MYO18B: variants seen among roughly 807,000 people sequenced by gnomAD.
The protein encoded by MYO18B is unconventional myosin-XVIIIb.
A neutral mutation model predicts 273.0 loss-of-function variants in MYO18B; 204 were observed. That is an observed-to-expected ratio of 0.75 (90% CI 0.67 to 0.84). The LOEUF is 0.84. MYO18B is among the 40% of genes least tolerant of loss of function. MYO18B has a pLI of 0.00. For missense variants in MYO18B, 3,212 were observed against 3,287.6 expected, an observed-to-expected ratio of 0.98 and a Z score of 0.56; for synonymous variants, 1,330 against 1,305.7, an observed-to-expected ratio of 1.02 and a Z score of -0.40.
chr22:26,024,836 A>G (rs1177351875), intron 42 of MYO18B, among the ~76,000 whole-genome samples: 1 of 152,176 alleles, frequency 6.6e-6, no homozygotes, highest in Admixed American at 6.5e-5. Context: ...GGCTGCTATA[A>G]CAAGAACACC....
intron 36 of MYO18B, among the ~76,000 whole-genome samples, chr22:25,948,459 C>CTTCCTTCTTTCTTTCTTTCT (rs1442898869): frequency 7.4e-5 from 5 of 67,724 alleles, no homozygotes; most frequent in African/African-American, 2.7e-4. Flanking sequence ...TCCTTCCTTC[C>CTTCCTTCTTTCTTTCTTTCT]TTCTTTCTTT....
At chr22:25,917,542 A>AGG (rs926458961) in intron 33 of MYO18B, among the ~76,000 whole-genome samples, 30 of 92,290 alleles carry the variant, frequency 3.3e-4, no homozygotes, top group South Asian at 8.9e-4. Flanking sequence ...AAAGCTTTGT[A>AGG]GGGGTGTGTG....
At chr22:25,978,314 A>G (rs1460226389) in intron 39 of MYO18B, among the ~76,000 whole-genome samples, 1 of 152,160 alleles carries the variant, frequency 6.6e-6, no homozygotes, top group Non-Finnish European at 1.5e-5. Context: ...TTCACTTGTC[A>G]GAGAAGGGAT....
chr22:25,768,117 CCCAGAAATTT>C lies in MYO18B; in HGVS notation c.205_214del (p.Glu69SerfsTer49). The C allele has an allele frequency of 6.3e-7, 1 of 1,591,260 alleles. No homozygotes were observed. Among genetic ancestry groups the C allele is most frequent in the Non-Finnish European group, 8.6e-7 (1 of 1,167,888 alleles). ...CATGGTTGTGTTCTTTCTCCCAGATCCCAGAAATTTCCATCAGCCAACCCAACAGCAAGTC... is the reference window on the plus strand; with the variant it reads ...CATGGTTGTGTTCTTTCTCCCAGATCCCATCAGCCAACCCAACAGCAAGTC... On this transcript the variant is annotated frameshift_variant, in exon 4 of 44. Transcript: ENST00000335473. LOFTEE classifies it high-confidence loss of function.
chr22:25,802,225 C>A (rs1401765471), intron 12 of MYO18B, among the ~76,000 whole-genome samples: 1 of 152,148 alleles, frequency 6.6e-6, no homozygotes, highest in Admixed American at 6.5e-5. Context: ...ACAACCACTG[C>A]TCTATTATAA....
intron 39 of MYO18B, among the ~76,000 whole-genome samples, chr22:25,961,436 G>A (rs1407572448): frequency 6.6e-6 from 1 of 152,098 alleles, no homozygotes; most frequent in Admixed American, 6.5e-5. Flanking sequence ...TAGTTTGAAT[G>A]TTTGTCCCTC....
intron 34 of MYO18B, among the ~76,000 whole-genome samples, chr22:25,935,602 A>T (rs1466473311): frequency 1.3e-5 from 2 of 152,058 alleles, no homozygotes; most frequent in Non-Finnish European, 2.9e-5. Flanking sequence ...AAGAGAAAAA[A>T]AAAAACCCTG....
intron 33 of MYO18B, among the ~76,000 whole-genome samples, chr22:25,912,422 G>C (rs912621048): frequency 2.0e-5 from 3 of 152,184 alleles, no homozygotes; most frequent in African/African-American, 7.2e-5. Flanking sequence ...AAACAGAATA[G>C]ATAATCTAGT....
intron 39 of MYO18B, among the ~76,000 whole-genome samples, chr22:25,955,713 G>A (rs2092843468): frequency 6.6e-6 from 1 of 152,114 alleles, no homozygotes. Flanking sequence ...ATTTATTAAC[G>A]GCCTATCTTT....
the MYO18B span, among the ~76,000 whole-genome samples, chr22:26,041,367 A>AC: frequency 6.7e-6 from 1 of 150,204 alleles, no homozygotes; most frequent in African/African-American, 2.5e-5. Flanking sequence ...AAAAAAAAAA[A>AC]AAAAACAAAA....
chr22:25,879,146 GC>G (rs1390384691), intron 25 of MYO18B, among the ~76,000 whole-genome samples: 1 of 152,222 alleles, frequency 6.6e-6, no homozygotes, highest in African/African-American at 2.4e-5. Flanking sequence ...TTGGAACACA[GC>G]CACGCTCATT....
chr22:25,818,232 T>A (rs1470607892), intron 12 of MYO18B, among the ~76,000 whole-genome samples: 1 of 152,136 alleles, frequency 6.6e-6, no homozygotes, highest in Non-Finnish European at 1.5e-5. Context: ...AGGAATAATT[T>A]CTGTCCTTTC....
intron 17 of MYO18B, among the ~76,000 whole-genome samples, chr22:25,838,558 C>T (rs919553362): frequency 5.9e-5 from 9 of 152,156 alleles, no homozygotes; most frequent in Non-Finnish European, 1.2e-4. Context: ...ATGATAATAC[C>T]GTATTTTTAC....
At chr22:25,801,554 A>G (rs936069607) in intron 12 of MYO18B, among the ~76,000 whole-genome samples, 28 of 152,332 alleles carry the variant, frequency 1.8e-4, no homozygotes, top group Non-Finnish European at 3.2e-4. Flanking sequence ...TGTGGTACAC[A>G]GGACTTGGCT....
chr22:25,791,175 G>A (rs533508220), intron 11 of MYO18B, among the ~76,000 whole-genome samples: 3 of 152,352 alleles, frequency 2.0e-5, no homozygotes, highest in Non-Finnish European at 4.4e-5. Context: ...ATATGTGCCT[G>A]AGTGGAGGTG....
At chr22:25,785,696 T>C (rs2087354549) in intron 11 of MYO18B, among the ~76,000 whole-genome samples, 1 of 152,122 alleles carries the variant, frequency 6.6e-6, no homozygotes. Context: ...AAACCAGACA[T>C]AGTATACGTA....
intron 34 of MYO18B, among the ~76,000 whole-genome samples, chr22:25,924,551 T>C (rs902389764): frequency 1.3e-5 from 2 of 152,154 alleles, no homozygotes; most frequent in African/African-American, 2.4e-5. Context: ...GGTGCTAAGA[T>C]AGAGAACTGC....
chr22:25,852,846 T>A (rs1033376871), intron 21 of MYO18B, among the ~76,000 whole-genome samples: 6 of 152,232 alleles, frequency 3.9e-5, no homozygotes, highest in African/African-American at 1.4e-4. Context: ...AAACTGGTTA[T>A]GTCATCTTTC....
chr22:25,920,928 G>A (rs2092330859), intron 33 of MYO18B, among the ~76,000 whole-genome samples: 2 of 152,214 alleles, frequency 1.3e-5, no homozygotes, highest in Admixed American at 1.3e-4. Flanking sequence ...CTGATGACTT[G>A]CGTGCAAGAG....
Sources: gnomAD v4.1 joint callset for allele counts (sites outside exome capture counted in the v4.1 genomes callset) on GRCh38, gnomAD v4.1.1 for gene constraint, MANE v1.5 for transcripts, NCBI Gene and HGNC (gene_info 2026-07-23, HGNC 2026-07-21) for gene names.